Variants in PGCKA1 observed in about 807,000 individuals in gnomAD.
The protein encoded by PGCKA1 is PDCD10 and GCKIII kinases associated 1, also known as PDCD10 and GCKIII kinases-associated protein 1.
chr4:37,535,204 A>C, the PGCKA1 span, among the ~76,000 whole-genome samples: 2 of 152,100 alleles, frequency 1.3e-5, no homozygotes, highest in African/African-American at 4.8e-5. Context: ...AAAACTCCCA[A>C]AGTGTGACAG....
At chr4:37,519,279 G>A in the PGCKA1 span, among the ~76,000 whole-genome samples, 1 of 136,542 alleles carries the variant, frequency 7.3e-6, no homozygotes, top group South Asian at 2.3e-4. Context: ...AAATTTTTAG[G>A]ATTTTTTTTT....
At chr4:37,578,352 C>T in the PGCKA1 span, among the ~76,000 whole-genome samples, 22,604 of 152,144 alleles carry the variant, frequency 0.15, 4,601 homozygotes, top group African/African-American at 0.46. Flanking sequence ...TTTTGTCTGA[C>T]ATAAGTATAG....
At chr4:37,496,694 A>T in the PGCKA1 span, among the ~76,000 whole-genome samples, 5 of 152,228 alleles carry the variant, frequency 3.3e-5, no homozygotes, top group Non-Finnish European at 5.9e-5. Flanking sequence ...TGCTTTGGAC[A>T]GTATGGCCAT....
At chr4:37,580,675 A>G in the PGCKA1 span, among the ~76,000 whole-genome samples, 3 of 152,352 alleles carry the variant, frequency 2.0e-5, no homozygotes, top group South Asian at 2.1e-4. Context: ...CCTTGTGGCC[A>G]TGATCACTAG....
At chr4:37,547,140 G>T in the PGCKA1 span, among the ~76,000 whole-genome samples, 1 of 151,932 alleles carries the variant, frequency 6.6e-6, no homozygotes, top group Non-Finnish European at 1.5e-5. Context: ...TTTTGGTTTT[G>T]ACTTGGTTTA....
At chr4:37,475,928 CTAAAA>C in the PGCKA1 span, among the ~76,000 whole-genome samples, 2 of 150,554 alleles carry the variant, frequency 1.3e-5, no homozygotes, top group African/African-American at 4.9e-5. Flanking sequence ...AGGAAAAAAA[CTAAAA>C]TATGTATTTT....
chr4:37,526,734 TATA>T, the PGCKA1 span, among the ~76,000 whole-genome samples: 1 of 152,234 alleles, frequency 6.6e-6, no homozygotes, highest in Non-Finnish European at 1.5e-5. Flanking sequence ...CTTCTGGTCT[TATA>T]AGAGTATAGC....
At chr4:37,544,216 C>A in the PGCKA1 span, among the ~76,000 whole-genome samples, 106 of 152,234 alleles carry the variant, frequency 7.0e-4, no homozygotes, top group Middle Eastern at 3.4e-3. Flanking sequence ...TGATGCCCAG[C>A]TCTTTGTATA....
the PGCKA1 span, among the ~76,000 whole-genome samples, chr4:37,455,901 T>C: frequency 1.3e-5 from 2 of 152,204 alleles, no homozygotes; most frequent in Non-Finnish European, 2.9e-5. Flanking sequence ...TCCAAATAAT[T>C]GAATACCAGC....
chr4:37,581,298 CA>C, the PGCKA1 span, among the ~76,000 whole-genome samples: 1 of 152,082 alleles, frequency 6.6e-6, no homozygotes, highest in South Asian at 2.1e-4. The surrounding 1 kb of genome is among the most constrained non-coding windows in gnomAD (Gnocchi z 4.4). Flanking sequence ...CTGCTTTTCT[CA>C]AGTAGAAGTA....
chr4:37,592,353 GAAA>G, the PGCKA1 span, among the ~76,000 whole-genome samples: 1 of 108,172 alleles, frequency 9.2e-6, no homozygotes, highest in Admixed American at 9.7e-5. Context: ...CCATCTCTAT[GAAA>G]AAAAAAAAAA....
chr4:37,571,465 C>T, the PGCKA1 span, among the ~76,000 whole-genome samples: 3 of 144,914 alleles, frequency 2.1e-5, no homozygotes, highest in South Asian at 4.6e-4. Flanking sequence ...CGGGTTCAAA[C>T]GATTCTCCTG....
chr4:37,511,055 T>G, the PGCKA1 span, among the ~76,000 whole-genome samples: 5 of 151,858 alleles, frequency 3.3e-5, no homozygotes, highest in Non-Finnish European at 7.4e-5. Context: ...GGCTCTTCAG[T>G]CAGCTTGTGG....
At chr4:37,564,577 G>T in the PGCKA1 span, among the ~76,000 whole-genome samples, 4 of 151,932 alleles carry the variant, frequency 2.6e-5, no homozygotes, top group African/African-American at 9.7e-5. Context: ...CGCGATCTTG[G>T]CTCACTGTAA....
the PGCKA1 span, among the ~76,000 whole-genome samples, chr4:37,474,398 G>GTATT: frequency 2.6e-5 from 4 of 152,064 alleles, no homozygotes; most frequent in East Asian, 5.8e-4. Flanking sequence ...TCAGTCTCAG[G>GTATT]TTGCTATAGC....
the PGCKA1 span, among the ~76,000 whole-genome samples, chr4:37,484,147 G>A: frequency 6.6e-6 from 1 of 152,132 alleles, no homozygotes; most frequent in Non-Finnish European, 1.5e-5. Flanking sequence ...GATGGTATTG[G>A]GAGTGTATTA....
the PGCKA1 span, among the ~76,000 whole-genome samples, chr4:37,486,035 G>A: frequency 6.6e-6 from 1 of 152,216 alleles, no homozygotes; most frequent in African/African-American, 2.4e-5. Flanking sequence ...AATTTGAGAC[G>A]GATATGTCTT....
At chr4:37,549,795 A>G in the PGCKA1 span, among the ~76,000 whole-genome samples, 1 of 151,724 alleles carries the variant, frequency 6.6e-6, no homozygotes, top group Non-Finnish European at 1.5e-5. Context: ...GGGGCTGTAC[A>G]TGGATGGGAG....
the PGCKA1 span, among the ~76,000 whole-genome samples, chr4:37,554,661 A>G: frequency 2.0e-5 from 3 of 152,144 alleles, no homozygotes; most frequent in Non-Finnish European, 2.9e-5. Context: ...AAATATTTTA[A>G]ATAGAGTAAT....
Sources: allele counts gnomAD v4.1 joint callset (sites outside exome capture counted in the v4.1 genomes callset), GRCh38; gene constraint gnomAD v4.1.1; non-coding constraint Gnocchi (gnomAD v3.1); transcripts MANE v1.5; gene names NCBI Gene and HGNC (gene_info 2026-07-23, HGNC 2026-07-21).